The following ZC3H7B variants were observed in gnomAD, a reference collection of about 807,000 sequenced individuals.
The protein encoded by ZC3H7B is zinc finger CCCH-type containing 7B.
In ZC3H7B, 35 loss-of-function variants were observed where a neutral mutation model predicts 116.0. The observed-to-expected ratio is 0.30, with a 90% CI of 0.23 to 0.40. ZC3H7B has a LOEUF of 0.40. ZC3H7B is among the 10% of genes least tolerant of loss of function. The pLI is 1.00. For synonymous variants in ZC3H7B, 502 were observed against 545.6 expected (o/e 0.92, Z 1.11); for missense variants, 1,011 against 1,321.5 (o/e 0.77, Z 3.64).
chr22:41,304,181 T>TA (rs1251704222), intron 1 of ZC3H7B, among the ~76,000 whole-genome samples: 1 of 152,186 alleles, frequency 6.6e-6, no homozygotes, highest in Non-Finnish European at 1.5e-5. Context: ...GGGATAGGGT[T>TA]ACAGGCATGA....
At chr22:41,318,591 T>G (rs927546389) in intron 1 of ZC3H7B, among the ~76,000 whole-genome samples, 1 of 147,044 alleles carries the variant, frequency 6.8e-6, no homozygotes, top group African/African-American at 2.5e-5. Flanking sequence ...CTACAAAAAA[T>G]TTTAAAGGTT....
chr22:41,312,989 G>A (rs2036136502), intron 1 of ZC3H7B, among the ~76,000 whole-genome samples: 1 of 152,138 alleles, frequency 6.6e-6, no homozygotes, highest in Admixed American at 6.6e-5. Context: ...CTGTGTCAAA[G>A]TGAAAGGACA....
At chr22:41,331,425 A>C (rs1427507443) in intron 6 of ZC3H7B, among the ~76,000 whole-genome samples, 7 of 149,832 alleles carry the variant, frequency 4.7e-5, no homozygotes, top group Non-Finnish European at 1.0e-4. Flanking sequence ...GGTGGTAGCG[A>C]GCGCCTGTAG....
At chr22:41,315,238 A>T (rs894764670) in intron 1 of ZC3H7B, among the ~76,000 whole-genome samples, 6 of 151,986 alleles carry the variant, frequency 3.9e-5, no homozygotes, top group Admixed American at 2.6e-4. Flanking sequence ...TACAAGTGGC[A>T]CGATCTCGGC....
intron 7 of ZC3H7B, chr22:41,334,330 T>C (rs963335292): frequency 3.9e-5 from 6 of 152,236 alleles, no homozygotes; most frequent in African/African-American, 7.2e-5. Context: ...GTTGAATGAT[T>C]GAATGACTGC....
rs1569235357 is a variant in ZC3H7B, at chr22:41,327,753, T to G, written c.444+389T>G. Among the ~76,000 whole-genome samples the G allele has an allele frequency of 6.6e-6, 1 of 152,032 alleles. No individual in the cohort carries two copies. The highest frequency in any genetic ancestry group is 1.5e-5 in the Non-Finnish European group (1 of 68,016). ...GCCTGGCCAACATGGCAAAACCCCA[T>G]CTCTACAAAAAATACAAAATTTAGC... On this transcript the variant is annotated intron_variant, in intron 5 of 22. Coordinates refer to ENST00000352645, the MANE Select transcript of ZC3H7B (RefSeq NM_017590.6). The surrounding 1 kb of genome is among the most constrained non-coding windows in gnomAD (Gnocchi z 4.5).
intron 6 of ZC3H7B, among the ~76,000 whole-genome samples, chr22:41,331,093 G>A (rs1160536495): frequency 4.2e-5 from 6 of 141,890 alleles, no homozygotes; most frequent in South Asian, 2.4e-4. Context: ...TCCTGACCTC[G>A]TGATCCGCCC....
chr22:41,306,793 C>T (rs1025001450), intron 1 of ZC3H7B, among the ~76,000 whole-genome samples: 5 of 152,054 alleles, frequency 3.3e-5, no homozygotes, highest in Admixed American at 2.6e-4. Flanking sequence ...CAGAGCCAAC[C>T]CAGGATGTCT....
chr22:41,335,698 TGCTCTATGGCAG>T (rs938572915), intron 7 of ZC3H7B: 17 of 152,516 alleles, frequency 1.1e-4, no homozygotes, highest in African/African-American at 3.9e-4. Flanking sequence ...ATTTGCCATG[TGCTCTATGGCAG>T]GCTCAGGTGT....
intron 1 of ZC3H7B, among the ~76,000 whole-genome samples, chr22:41,303,159 T>C (rs1336183653): frequency 6.6e-6 from 1 of 152,174 alleles, no homozygotes; most frequent in Non-Finnish European, 1.5e-5. Flanking sequence ...CCCACAGAAG[T>C]TGGACTGCAA....
At chr22:41,342,003 G>A (rs537091976) in intron 11 of ZC3H7B, among the ~76,000 whole-genome samples, 6 of 151,584 alleles carry the variant, frequency 4.0e-5, no homozygotes, top group Non-Finnish European at 7.4e-5. Context: ...TGGAGGTTGC[G>A]GTGAGCTGAG....
At chr22:41,317,723 G>A (rs769355692) in intron 1 of ZC3H7B, among the ~76,000 whole-genome samples, 3 of 152,170 alleles carry the variant, frequency 2.0e-5, no homozygotes, top group African/African-American at 7.2e-5. Flanking sequence ...GATGGAGGCT[G>A]CAGTGAGCCA....
Position 41,327,322 on chromosome 22 carries a change from G to C in ZC3H7B, c.402G>C (p.Glu134Asp), listed in dbSNP as rs762721549. The change falls in exon 5 of 23, where the codon GAG becomes GAC. Residue 134 changes from glutamate (E) to aspartate (D), a missense_variant. This residue lies in a region of ZC3H7B where 322 missense variants were observed against 443.9 expected (regional missense o/e 0.73). Coordinates refer to ENST00000352645, the MANE Select transcript of ZC3H7B (RefSeq NM_017590.6). This position sits in a 1 kb window ranked among gnomAD's most constrained non-coding sequence, Gnocchi z 4.5. ...RALNELGRHK[E>D]AYECSSRCSL... ...TCAATGAACTGGGACGCCACAAGGAGGCCTACGAGTGCAGCAGCCGGTGTT... is the reference window on the plus strand; with the variant it reads ...TCAATGAACTGGGACGCCACAAGGACGCCTACGAGTGCAGCAGCCGGTGTT... 1 of 1,613,456 alleles carries C rather than the reference G, an allele frequency of 6.2e-7. No homozygotes were observed.
At position 41,351,500 on chromosome 22, in the gene ZC3H7B, C is replaced by T. The variant is rs2036653481; in HGVS notation, c.1949-61C>T. 7.3e-6 allele frequency: 11 copies of T among 1,516,236 alleles called. No individual in the cohort carries two copies. The highest frequency in any genetic ancestry group is 2.4e-5 in the East Asian group (1 of 41,550). 93.9% of individuals were successfully genotyped at this position (1,516,236 alleles called of 1,614,324 possible). A position where few individuals can be genotyped will look rare whatever the true frequency, so the allele number is the denominator to read the frequency against. ...GGGGTCCCTGGCACCTCGTGGACCC[C>T]CTGCCTCCCTCCTTGCTGAGCACCT... On this transcript the variant is annotated intron_variant, in intron 16 of 22. Coordinates refer to ENST00000352645, the MANE Select transcript of ZC3H7B (RefSeq NM_017590.6). This position sits in a 1 kb window ranked among gnomAD's most constrained non-coding sequence, Gnocchi z 5.1.
In ZC3H7B at chr22:41,341,282, C is replaced by G. The variant is rs564845209; in HGVS notation, c.1197+136C>G. On this transcript the variant is annotated intron_variant, in intron 11 of 22. Transcript: ENST00000352645. ...CGGGGCACTCCCAGAGTGGATGGAT[C>G]AAAGATGATCACCTCGTGCCCTTCC... The G allele has an allele frequency of 1.2e-5, 12 of 1,022,482 alleles. No individual in the cohort carries two copies. In the South Asian group the frequency reaches 2.0e-4, roughly 17 times the overall value. 63.3% of individuals were successfully genotyped at this position (1,022,482 alleles called of 1,614,324 possible). A position where few individuals can be genotyped will look rare whatever the true frequency, so the allele number is the denominator to read the frequency against.
chr22:41,343,545 C>A lies in ZC3H7B; in HGVS notation c.1428C>A (p.Thr476=), dbSNP rs1330235690. Residue 476 remains threonine, a synonymous_variant, in exon 13 of 23, where the codon ACC becomes ACA. Transcript: ENST00000352645. ...GGATCCGGCCCCGGCCCACTAAGAC[C>A]AGCTTCGTGGGCTCCTACTACCTGT... ...WKRIRPRPTK[T]SFVGSYYLCK... 1 of 1,611,838 alleles carries A rather than the reference C, an allele frequency of 6.2e-7. No individual in the cohort carries two copies. Among genetic ancestry groups the A allele is most frequent in the East Asian group, 2.2e-5 (1 of 44,836 alleles).
chr22:41,356,737 C>A lies in ZC3H7B; in HGVS notation c.2610C>A (p.Val870=), dbSNP rs760763507. Residue 870 remains valine (V), a synonymous_variant, in exon 22 of 23, where the codon GTC becomes GTA. Transcript: ENST00000352645. ...HIQSEKHKEK[V]FTSDSDASGW... is the part of the protein sequence containing the mutation. ...AGTCCGAGAAGCACAAGGAGAAGGT[C>A]TTCACGTCCGACAGTGACGCCAGCG... is the stretch of plus-strand genomic sequence containing the variant. 1 of 1,613,686 alleles carries A rather than the reference C, an allele frequency of 6.2e-7. No homozygotes were observed.
chr22:41,332,537 T>C, intron 7 of ZC3H7B: 1 of 352,388 alleles, frequency 2.8e-6, no homozygotes, highest in Non-Finnish European at 5.2e-6. Flanking sequence ...TGTTGCCTTT[T>C]TTCTCACCAG....
chr22:41,325,929 C>A lies in ZC3H7B; in HGVS notation c.285+11C>A. On this transcript the variant is annotated intron_variant, in intron 4 of 22. Transcript: ENST00000352645. Reference sequence around the variant, plus strand: ...TGCTACTTCACCATGGTGAGCCTGGCACCCTCTTTTCTCTCCTCCTCTGCT... The same window carrying A: ...TGCTACTTCACCATGGTGAGCCTGGAACCCTCTTTTCTCTCCTCCTCTGCT... The A allele has an allele frequency of 1.3e-6, 2 of 1,595,176 alleles. No individual in the cohort carries two copies. Among genetic ancestry groups the A allele is most frequent in the Non-Finnish European group, 1.7e-6 (2 of 1,171,762 alleles).
Sources: gnomAD v4.1 joint callset for allele counts (sites outside exome capture counted in the v4.1 genomes callset) on GRCh38, gnomAD v4.1.1 for gene constraint, gnomAD v4.1.1 regional missense constraint, Gnocchi (gnomAD v3.1) non-coding constraint, MANE v1.5 for transcripts, NCBI Gene and HGNC (gene_info 2026-07-23, HGNC 2026-07-21) for gene names.